NKTR: variants seen among roughly 807,000 people sequenced by gnomAD.
The protein encoded by NKTR is NK-tumor recognition protein.
Under a neutral mutation model 156.3 loss-of-function variants are expected in NKTR, and 67 were observed. That is an observed-to-expected ratio of 0.43 (90% CI 0.35 to 0.53). The LOEUF (loss-of-function observed/expected upper bound fraction) is 0.53. Ranked by LOEUF, NKTR falls within the 20% of genes least tolerant of loss-of-function variation. NKTR has a pLI of 0.01. For synonymous variants in NKTR, 640 were observed against 596.6 expected (o/e 1.07, Z -1.06); for missense variants, 1,604 against 1,730.9 (o/e 0.93, Z 1.30).
intron 3 of NKTR, 46 bp from the exon 4 acceptor site, chr3:42,618,974 G>A (rs1707661928): frequency 1.4e-6 from 2 of 1,465,526 alleles, no homozygotes; most frequent in Admixed American, 2.2e-5. Context: ...ATGGAAGGAT[G>A]TATAAATAAT....
rs554743348 is a variant in NKTR at position 42,630,124 on chromosome 3, CT to C, written c.375-419del. 1.4e-4 allele frequency: 135 copies of C among 992,008 alleles called. No individual in the cohort carries two copies. The South Asian group carries it at 5.7e-3, about 42-fold the overall frequency. The allele number at this position is 992,008 out of a possible 1,614,324, so 61.5% of individuals were successfully genotyped here. A position where few individuals can be genotyped will look rare whatever the true frequency, so the allele number is the denominator to read the frequency against. On this transcript the variant is annotated intron_variant, in intron 6 of 16. Coordinates refer to ENST00000232978, the MANE Select transcript of NKTR (RefSeq NM_005385.4). ...AAGTGTTTGGGGCAAATGTTAATCACTTTCTTTCCATAGGGCAAATAGGAGG... is the reference window on the plus strand; with the variant it reads ...AAGTGTTTGGGGCAAATGTTAATCACTTCTTTCCATAGGGCAAATAGGAGG...
chr3:42,605,076 T>C (rs1244987743), intron 2 of NKTR, among the ~76,000 whole-genome samples: 1 of 152,198 alleles, frequency 6.6e-6, no homozygotes, highest in Non-Finnish European at 1.5e-5. Context: ...ATTGTTGTCT[T>C]CTTAGTGAAC....
At chr3:42,612,207 G>GACCATACCTTTAGAATATTGTCTATTTT (rs1460730743) in intron 2 of NKTR, 1 of 151,982 alleles carries the variant, frequency 6.6e-6, no homozygotes, top group African/African-American at 2.4e-5. Flanking sequence ...ATTTTTTAAA[G>GACCATACCTTTAGAATATTGTCTATTTT]GAAGAAAAAT....
chr3:42,634,854 C>G, intron 11 of NKTR, 154 bp downstream of exon 11: 2 of 558,408 alleles, frequency 3.6e-6, no homozygotes, highest in South Asian at 5.4e-5. Flanking sequence ...GCTGTTAGAT[C>G]AAAGTATACT....
At chr3:42,621,278 T>G (rs1707877388) in intron 5 of NKTR, 151 bp from the exon 6 acceptor site, 1 of 1,331,782 alleles carries the variant, frequency 7.5e-7, no homozygotes, top group Non-Finnish European at 9.6e-7. Context: ...GTTATTTGAT[T>G]AGCTTAAATT....
At chr3:42,627,507 T>C in intron 6 of NKTR, 1 of 985,302 alleles carries the variant, frequency 1.0e-6, no homozygotes, top group African/African-American at 1.7e-5. Flanking sequence ...CAGTGTGGAA[T>C]TAGTCATTTC....
At chr3:42,602,621 G>C (rs961982984) in intron 2 of NKTR, 3 of 131,922 alleles carry the variant, frequency 2.3e-5, no homozygotes, top group South Asian at 5.0e-4. Context: ...TTTTAGCCTT[G>C]ATTGATCTTT....
In NKTR at chr3:42,630,534, T is replaced by A. The variant is rs957185173; in HGVS notation, c.375-12T>A. 16 of 1,613,724 alleles carry A rather than the reference T, an allele frequency of 9.9e-6. No individual in the cohort carries two copies. The highest frequency in any genetic ancestry group is 1.4e-5 in the Non-Finnish European group (16 of 1,179,854). On this transcript the variant is annotated splice_polypyrimidine_tract_variant and intron_variant, in intron 6 of 16. Coordinates refer to ENST00000232978, the MANE Select transcript of NKTR (RefSeq NM_005385.4). ...GTTTGACATCATCTTTGTGTTGATG[T>A]TTATTACATAGTACCACAAAGCCTG... is the stretch of plus-strand genomic sequence containing the variant.
intron 2 of NKTR, among the ~76,000 whole-genome samples, chr3:42,608,481 T>C (rs1706455827): frequency 6.6e-6 from 1 of 152,152 alleles, no homozygotes; most frequent in Non-Finnish European, 1.5e-5. Flanking sequence ...GGTGGGGAGA[T>C]GCATGGGCCT....
Position 42,633,707 on chromosome 3 carries a change from ATGCCTGTTGTTACTGCAGAACCTGAACCG to A in NKTR, c.903_929+2del, listed in dbSNP as rs1182031804. 6.2e-7 allele frequency: 1 copy of A among 1,614,100 alleles called. No homozygotes were observed. On this transcript the variant is annotated splice_donor_variant and coding_sequence_variant, in exon 10 of 17. Coordinates refer to ENST00000232978, the MANE Select transcript of NKTR (RefSeq NM_005385.4). LOFTEE classifies it high-confidence loss of function. ...GAACCGATTTTTACTGAGAAGAGAT[ATGCCTGTTGTTACTGCAGAACCTGAACCG>A]TAAGTAGGATGACTAAACTATTTAT... is the stretch of plus-strand genomic sequence containing the variant.
intron 2 of NKTR, among the ~76,000 whole-genome samples, chr3:42,610,108 C>T (rs961579408): frequency 6.6e-6 from 1 of 152,000 alleles, no homozygotes; most frequent in Non-Finnish European, 1.5e-5. Context: ...TGCGTTCAAG[C>T]GATTCTCCTG....
chr3:42,630,713 C>T, intron 7 of NKTR, 138 bp downstream of exon 7: 2 of 1,471,542 alleles, frequency 1.4e-6, no homozygotes, highest in Middle Eastern at 1.8e-4. Flanking sequence ...TCCTTAGGAT[C>T]ACAGAATATA....
chr3:42,609,119 C>T (rs546660742), intron 2 of NKTR, among the ~76,000 whole-genome samples: 2 of 146,326 alleles, frequency 1.4e-5, no homozygotes, highest in South Asian at 4.4e-4. Flanking sequence ...TAGAGCAAGA[C>T]TCATATATCA....
At chr3:42,635,902 C>T (rs1054083502) in intron 12 of NKTR, among the ~76,000 whole-genome samples, 2 of 149,140 alleles carry the variant, frequency 1.3e-5, no homozygotes, top group Non-Finnish European at 3.0e-5. Flanking sequence ...AGCGAGACTC[C>T]GTCTCAAAAA....
At chr3:42,642,852 A>T (rs965903630) in intron 14 of NKTR, among the ~76,000 whole-genome samples, 1 of 152,186 alleles carries the variant, frequency 6.6e-6, no homozygotes, top group South Asian at 2.1e-4. Context: ...CCTCCCCCAC[A>T]TGCATCTTCC....
intron 6 of NKTR, chr3:42,630,210 T>G: frequency 1.9e-6 from 2 of 1,078,684 alleles, no homozygotes; most frequent in Non-Finnish European, 1.1e-6. Flanking sequence ...AAGTGTTTTG[T>G]TTTGTTGTTT....
chr3:42,603,259 G>A (rs1036900475), intron 2 of NKTR, among the ~76,000 whole-genome samples: 2 of 150,908 alleles, frequency 1.3e-5, no homozygotes, highest in African/African-American at 2.4e-5. Context: ...ACTTGGAAGG[G>A]TGAGGTGGGA....
rs1176394067 is a variant in NKTR, at chr3:42,632,798, A to T, written c.748A>T (p.Asn250Tyr). ...AGCAAGCAGTTCAGAAGAGCCAAGG[A>T]ATAAACATGCAATGAACCCAAAAGG... ...KEASSSEEPR[N>Y]KHAMNPKGHS... Residue 250 changes from asparagine (N) to tyrosine (Y), a missense_variant, in exon 9 of 17, where the codon AAT becomes TAT. Physicochemically the swap from Asn to Tyr is moderately radical, Grantham distance 143. Transcript: ENST00000232978. The T allele has an allele frequency of 5.6e-6, 9 of 1,602,706 alleles. No homozygotes were observed. The highest frequency in any genetic ancestry group is 7.7e-6 in the Non-Finnish European group (9 of 1,175,796).
intron 5 of NKTR, chr3:42,620,752 T>C: frequency 1.0e-6 from 1 of 984,598 alleles, no homozygotes; most frequent in Non-Finnish European, 1.2e-6. Context: ...TTTAGCTGGT[T>C]CTGTTATGTA....
Sources: gnomAD v4.1 joint callset for allele counts (sites outside exome capture counted in the v4.1 genomes callset) on GRCh38, gnomAD v4.1.1 for gene constraint, MANE v1.5 for transcripts, NCBI Gene and HGNC (gene_info 2026-07-23, HGNC 2026-07-21) for gene names.